Variants in RAB33A observed in about 807,000 individuals in gnomAD.
RAB33A encodes RAB33A, member RAS oncogene family.
In RAB33A, 6 loss-of-function variants were observed where a neutral mutation model predicts 12.0. The observed-to-expected ratio is 0.50, with a 90% CI of 0.27 to 0.99. The LOEUF is 0.99. RAB33A is among the 50% of genes least tolerant of loss of function. The pLI is 0.11. For synonymous variants in RAB33A, 70 were observed against 82.4 expected (o/e 0.85, Z 0.81); for missense variants, 109 against 192.0 (o/e 0.57, Z 2.55).
the RAB33A span, among the ~76,000 whole-genome samples, chrX:130,161,340 G>C: frequency 9.2e-6 from 1 of 109,015 alleles, no homozygotes; most frequent in East Asian, 2.9e-4. Flanking sequence ...GTGAAACCCC[G>C]TCTCCACTAA....
At chrX:130,172,908 T>C (rs2124685385) in intron 1 of RAB33A, among the ~76,000 whole-genome samples, 1 of 112,441 alleles carries the variant, frequency 8.9e-6, no homozygotes, top group Non-Finnish European at 1.9e-5. Flanking sequence ...CCATGAGCCC[T>C]TTTAAAGAAA....
chrX:130,150,391 A>G, the RAB33A span, among the ~76,000 whole-genome samples: 3 of 79,919 alleles, frequency 3.8e-5, no homozygotes, highest in African/African-American at 1.6e-4. Context: ...GCTGGAGTGC[A>G]GTGGCGGGAT....
At chrX:130,117,315 G>A in the RAB33A span, among the ~76,000 whole-genome samples, 4 of 112,677 alleles carry the variant, frequency 3.5e-5, no homozygotes, top group African/African-American at 1.3e-4. Flanking sequence ...AATTGTCTTC[G>A]AGCTGGACAG....
chrX:130,142,548 C>T, the RAB33A span, among the ~76,000 whole-genome samples: 2 of 111,969 alleles, frequency 1.8e-5, no homozygotes, highest in South Asian at 3.8e-4. Flanking sequence ...ATTCTATGTC[C>T]TCTTCACGCT....
chrX:130,134,236 C>CA, the RAB33A span, among the ~76,000 whole-genome samples: 168 of 93,564 alleles, frequency 1.8e-3, no homozygotes, highest in Middle Eastern at 5.5e-3. Flanking sequence ...GACACCGCCT[C>CA]AAAAAAAAAA....
At position 130,181,852 on chromosome X, in the gene RAB33A, T is replaced by A. The variant is rs181905966; in HGVS notation, c.259-2433T>A. ...ATCCCAGCTCCTCAGAAGGCTGAAG[T>A]GGTAGAATCTCTTGAACCCAGGATG... On this transcript the variant is annotated intron_variant, in intron 1 of 1. Transcript: ENST00000257017. Among the ~76,000 whole-genome samples, 4 of 109,736 alleles carry A rather than the reference T, an allele frequency of 3.6e-5. No homozygotes were observed. The East Asian group carries it at 1.1e-3, about 31-fold the overall frequency.
At chrX:130,140,936 C>T in the RAB33A span, among the ~76,000 whole-genome samples, 3 of 111,778 alleles carry the variant, frequency 2.7e-5, no homozygotes, top group African/African-American at 9.8e-5. Flanking sequence ...GCCAACATGG[C>T]GAAACCCCGT....
chrX:130,183,252 A>G (rs2031750958), intron 1 of RAB33A, among the ~76,000 whole-genome samples: 1 of 107,718 alleles, frequency 9.3e-6, no homozygotes, highest in African/African-American at 3.4e-5. Context: ...TCTGATGAGC[A>G]TTTAGGTTTT....
the RAB33A span, among the ~76,000 whole-genome samples, chrX:130,163,951 C>A: frequency 2.5e-4 from 26 of 102,369 alleles, no homozygotes; most frequent in Non-Finnish European, 4.7e-4. Context: ...GTCAGGAGAT[C>A]GAGACCATCC....
the RAB33A span, among the ~76,000 whole-genome samples, chrX:130,114,905 G>T: frequency 9.0e-6 from 1 of 111,702 alleles, no homozygotes; most frequent in East Asian, 2.8e-4. Flanking sequence ...GGGCTCAAGC[G>T]ATCCTCCCTC....
the RAB33A span, among the ~76,000 whole-genome samples, chrX:130,130,661 G>A: frequency 4.4e-5 from 5 of 112,637 alleles, no homozygotes; most frequent in East Asian, 5.6e-4. Flanking sequence ...GGTGGCTAAC[G>A]TACTGGACAG....
chrX:130,129,213 C>T, the RAB33A span: 76 of 276,936 alleles, frequency 2.7e-4, no homozygotes, highest in Non-Finnish European at 2.8e-4. Context: ...GAGGGAAGTT[C>T]GGAAATGAAA....
chrX:130,134,278 C>T, the RAB33A span, among the ~76,000 whole-genome samples: 1 of 110,412 alleles, frequency 9.1e-6, no homozygotes, highest in African/African-American at 3.3e-5. Context: ...TTCCATAAAG[C>T]TAACCTAAAT....
At chrX:130,167,859 T>C (rs983468142), upstream of RAB33A, among the ~76,000 whole-genome samples, 2 of 110,718 alleles carry the variant, frequency 1.8e-5, no homozygotes, top group Non-Finnish European at 3.8e-5. Context: ...CTTTTTTTTT[T>C]TTTTTGGTGG....
intron 1 of RAB33A, among the ~76,000 whole-genome samples, chrX:130,181,630 G>A (rs1017701485): frequency 2.7e-5 from 3 of 112,307 alleles, no homozygotes; most frequent in African/African-American, 9.7e-5. Flanking sequence ...AGTGAATTAA[G>A]TTCCTTTTAC....
the RAB33A span, among the ~76,000 whole-genome samples, chrX:130,150,068 T>G: frequency 9.0e-6 from 1 of 111,202 alleles, no homozygotes; most frequent in Non-Finnish European, 1.9e-5. Flanking sequence ...TGGCTGCCTG[T>G]ATTCTATTTT....
the RAB33A span, among the ~76,000 whole-genome samples, chrX:130,135,614 A>G: frequency 9.0e-6 from 1 of 110,808 alleles, no homozygotes. Context: ...ATTGTAAAAA[A>G]CAGCTAAAAA....
chrX:130,160,054 T>TA, the RAB33A span, among the ~76,000 whole-genome samples: 1 of 111,087 alleles, frequency 9.0e-6, no homozygotes, highest in African/African-American at 3.3e-5. Context: ...AAATTGACTT[T>TA]AAAAAAAAGT....
chrX:130,145,971 T>C, the RAB33A span, among the ~76,000 whole-genome samples: 1 of 112,023 alleles, frequency 8.9e-6, no homozygotes, highest in Non-Finnish European at 1.9e-5. Context: ...GCTCTAGATT[T>C]AGGTTCATTT....
Sources: allele counts gnomAD v4.1 joint callset (sites outside exome capture counted in the v4.1 genomes callset), GRCh38; gene constraint gnomAD v4.1.1; transcripts MANE v1.5; gene names NCBI Gene and HGNC (gene_info 2026-07-23, HGNC 2026-07-21).